KCNIP4: variants seen among roughly 807,000 people sequenced by gnomAD.
KCNIP4 encodes the protein potassium voltage-gated channel interacting protein 4, also known as Kv channel-interacting protein 4.
KCNIP4 carries 12 observed loss-of-function variants against 34.0 expected under a neutral mutation model. The ratio of observed to expected loss-of-function variants is 0.35; its 90% CI spans 0.23 to 0.57. The LOEUF (loss-of-function observed/expected upper bound fraction) is 0.57. Among genes scored for constraint, KCNIP4 ranks in the 20% least tolerant of loss-of-function variants. The probability of loss-of-function intolerance (pLI) is 0.83; values close to 1 mark genes in which losing one functional copy is unlikely to be tolerated. For missense variants in KCNIP4, 238 were observed against 311.7 expected, an observed-to-expected ratio of 0.76 and a Z score of 1.78; for synonymous variants, 124 against 102.2, an observed-to-expected ratio of 1.21 and a Z score of -1.29.
At chr4:21,875,444 C>T (rs1184470866) in intron 1 of KCNIP4, among the ~76,000 whole-genome samples, 1 of 152,130 alleles carries the variant, frequency 6.6e-6, no homozygotes, top group Non-Finnish European at 1.5e-5. Context: ...TCATAAAATG[C>T]TTTTCTACGT....
chr4:21,036,679 T>G (rs1741473468), intron 1 of KCNIP4, among the ~76,000 whole-genome samples: 1 of 152,200 alleles, frequency 6.6e-6, no homozygotes, highest in African/African-American at 2.4e-5. Context: ...TGAGCCGAGA[T>G]GGCACCACTG....
intron 1 of KCNIP4, among the ~76,000 whole-genome samples, chr4:20,917,735 G>C (rs375634646): frequency 3.3e-5 from 5 of 152,164 alleles, no homozygotes; most frequent in African/African-American, 1.2e-4. Context: ...GCTCATGCCT[G>C]TAATCCCAGC....
chr4:21,797,546 T>TAA (rs1720704983), intron 1 of KCNIP4, among the ~76,000 whole-genome samples: 1 of 152,196 alleles, frequency 6.6e-6, no homozygotes, highest in African/African-American at 2.4e-5. Context: ...GTATGTCTTA[T>TAA]AAAAAGGTCT....
intron 1 of KCNIP4, among the ~76,000 whole-genome samples, chr4:21,131,493 C>T (rs1266652643): frequency 2.6e-5 from 4 of 152,112 alleles, no homozygotes; most frequent in African/African-American, 9.7e-5. Context: ...ACCTGCAGTC[C>T]CAGCTACTCA....
chr4:20,991,192 GTTTTA>G (rs1159476221), intron 1 of KCNIP4, among the ~76,000 whole-genome samples: 1 of 152,102 alleles, frequency 6.6e-6, no homozygotes, highest in Non-Finnish European at 1.5e-5. Flanking sequence ...TTTTTGTTTT[GTTTTA>G]TTTTATTTTT....
intron 1 of KCNIP4, among the ~76,000 whole-genome samples, chr4:21,107,441 C>A (rs1021216920): frequency 1.3e-5 from 2 of 150,188 alleles, no homozygotes; most frequent in African/African-American, 5.0e-5. Flanking sequence ...TTTTTGTTTT[C>A]CATTTGCTCG....
At chr4:20,742,023 A>G (rs1282998820) in intron 5 of KCNIP4, among the ~76,000 whole-genome samples, 1 of 152,224 alleles carries the variant, frequency 6.6e-6, no homozygotes, top group Non-Finnish European at 1.5e-5. Flanking sequence ...AACCAGGAAG[A>G]AGTTGAATCC....
intron 1 of KCNIP4, among the ~76,000 whole-genome samples, chr4:21,843,148 T>G (rs756542986): frequency 2.5e-4 from 38 of 152,092 alleles, no homozygotes; most frequent in Non-Finnish European, 4.6e-4. Context: ...TAGCATCTTT[T>G]GAAAACTAAG....
intron 1 of KCNIP4, among the ~76,000 whole-genome samples, chr4:21,123,396 A>T (rs1750339350): frequency 6.6e-6 from 1 of 152,114 alleles, no homozygotes; most frequent in Admixed American, 6.6e-5. Flanking sequence ...TCTTTTTCTG[A>T]GTTAAAAGTC....
chr4:21,041,835 G>A (rs1741989393), intron 1 of KCNIP4, among the ~76,000 whole-genome samples: 1 of 152,166 alleles, frequency 6.6e-6, no homozygotes, highest in Non-Finnish European at 1.5e-5. Flanking sequence ...CACATTGTGG[G>A]TTTGGCGGCC....
rs558428755 is a variant in KCNIP4 at position 20,810,544 on chromosome 4, G to T, written c.288+39999C>A. Among the ~76,000 whole-genome samples the T allele has an allele frequency of 1.8e-4, 27 of 152,106 alleles. No homozygotes were observed. In the East Asian group the frequency reaches 4.1e-3, roughly 23 times the overall value. ...GAAAAGATGACTATAGTTGGATCTG[G>T]AATTCTGAATTTGCAACTAACACTG... On this transcript the variant is annotated intron_variant, in intron 3 of 8. Transcript: ENST00000382152.
chr4:21,042,407 C>T (rs1270830514), intron 1 of KCNIP4, among the ~76,000 whole-genome samples: 1 of 152,106 alleles, frequency 6.6e-6, no homozygotes, highest in Admixed American at 6.6e-5. Context: ...GCCTGGGGAG[C>T]ATTAGGTTAA....
intron 1 of KCNIP4, among the ~76,000 whole-genome samples, chr4:21,005,099 G>A (rs919454790): frequency 5.3e-5 from 8 of 152,106 alleles, no homozygotes; most frequent in Non-Finnish European, 1.2e-4. Flanking sequence ...GTACTATTAC[G>A]GGAGTTAATG....
intron 1 of KCNIP4, among the ~76,000 whole-genome samples, chr4:21,215,421 C>T (rs745585257): frequency 2.6e-5 from 4 of 152,156 alleles, no homozygotes; most frequent in African/African-American, 4.8e-5. Flanking sequence ...CAAGCAAATG[C>T]GTGTTCTTTT....
At chr4:20,984,427 C>G (rs1209195038) in intron 1 of KCNIP4, among the ~76,000 whole-genome samples, 1 of 152,168 alleles carries the variant, frequency 6.6e-6, no homozygotes, top group Non-Finnish European at 1.5e-5. Flanking sequence ...GCTCTCTCCT[C>G]CCAGAGCCGC....
At chr4:21,457,956 A>C (rs1729104343) in intron 1 of KCNIP4, among the ~76,000 whole-genome samples, 1 of 151,750 alleles carries the variant, frequency 6.6e-6, no homozygotes, top group Admixed American at 6.6e-5. Context: ...CCTCCATCTT[A>C]TTCCCTGTGA....
At chr4:20,904,568 A>C (rs537107626) in intron 1 of KCNIP4, among the ~76,000 whole-genome samples, 75 of 152,208 alleles carry the variant, frequency 4.9e-4, no homozygotes, top group African/African-American at 1.8e-3. Flanking sequence ...TTTTAAATGT[A>C]ATACAAAACA....
At chr4:21,051,935 A>G (rs1742969238) in intron 1 of KCNIP4, among the ~76,000 whole-genome samples, 1 of 152,218 alleles carries the variant, frequency 6.6e-6, no homozygotes, top group Non-Finnish European at 1.5e-5. Context: ...TGACTCTGGC[A>G]CAAGTTCAGG....
intron 1 of KCNIP4, among the ~76,000 whole-genome samples, chr4:21,524,645 C>T (rs1009346393): frequency 3.9e-5 from 6 of 152,048 alleles, no homozygotes; most frequent in African/African-American, 1.4e-4. Context: ...TCAGGGAAAC[C>T]TTCTAAGTCA....
Sources: gnomAD v4.1 joint callset for allele counts (sites outside exome capture counted in the v4.1 genomes callset) on GRCh38, gnomAD v4.1.1 for gene constraint, MANE v1.5 for transcripts, NCBI Gene and HGNC (gene_info 2026-07-23, HGNC 2026-07-21) for gene names.